The following RPH3A variants were observed in gnomAD, a reference collection of about 807,000 sequenced individuals.
RPH3A encodes rabphilin 3A.
RPH3A carries 48 observed loss-of-function variants against 102.2 expected under a neutral mutation model. That is an observed-to-expected ratio of 0.47 (90% CI 0.37 to 0.60). The LOEUF is 0.60. Ranked by LOEUF, RPH3A falls within the 20% of genes least tolerant of loss-of-function variation. The pLI is 0.00. For missense variants in RPH3A, 781 were observed against 910.1 expected, an observed-to-expected ratio of 0.86 and a Z score of 1.83; for synonymous variants, 310 against 324.3, an observed-to-expected ratio of 0.96 and a Z score of 0.47.
At chr12:112,713,082 CT>C (rs2040490024) in intron 1 of RPH3A, among the ~76,000 whole-genome samples, 1 of 125,522 alleles carries the variant, frequency 8.0e-6, no homozygotes, top group Admixed American at 8.5e-5. Context: ...TCTTCTTCTT[CT>C]TCTTCTTCTT....
At chr12:112,694,595 G>C (rs1443960938) in intron 1 of RPH3A, among the ~76,000 whole-genome samples, 1 of 151,984 alleles carries the variant, frequency 6.6e-6, no homozygotes, top group Non-Finnish European at 1.5e-5. Context: ...GGCAGAGAGA[G>C]AGAGAGAGAC....
intron 1 of RPH3A, among the ~76,000 whole-genome samples, chr12:112,716,282 G>A (rs1047642870): frequency 4.6e-5 from 7 of 152,064 alleles, no homozygotes; most frequent in African/African-American, 1.7e-4. Flanking sequence ...ATGTTACCCA[G>A]CCTCTACACA....
intron 13 of RPH3A, 66 bp from the exon 14 acceptor site, chr12:112,879,053 G>A (rs769560657): frequency 9.8e-5 from 135 of 1,375,278 alleles, no homozygotes; most frequent in Admixed American, 1.7e-4. Context: ...TATAGTAAGT[G>A]TTCAGGAAAT....
intron 1 of RPH3A, among the ~76,000 whole-genome samples, chr12:112,766,318 A>G (rs1236661148): frequency 6.6e-6 from 1 of 152,240 alleles, no homozygotes; most frequent in East Asian, 1.9e-4. Flanking sequence ...GAGATAAATG[A>G]GTAAATATGT....
chr12:112,594,924 G>A (rs2039506153), intron 1 of RPH3A, among the ~76,000 whole-genome samples: 1 of 152,178 alleles, frequency 6.6e-6, no homozygotes, highest in African/African-American at 2.4e-5. Flanking sequence ...CAACTCTAGA[G>A]AGCATTACTC....
chr12:112,615,105 T>A (rs1312660712), intron 1 of RPH3A, among the ~76,000 whole-genome samples: 1 of 152,230 alleles, frequency 6.6e-6, no homozygotes, highest in East Asian at 1.9e-4. Context: ...ATCTGTGTAT[T>A]CCCTATAATA....
At chr12:112,723,913 G>T (rs974848829) in intron 1 of RPH3A, among the ~76,000 whole-genome samples, 3 of 152,138 alleles carry the variant, frequency 2.0e-5, no homozygotes, top group Admixed American at 1.3e-4. Context: ...GTAAGTATTT[G>T]TGTGCAGAAG....
At chr12:112,702,618 T>C (rs564973104) in intron 1 of RPH3A, among the ~76,000 whole-genome samples, 2 of 152,298 alleles carry the variant, frequency 1.3e-5, no homozygotes, top group African/African-American at 2.4e-5. Flanking sequence ...AGTGAAGGAA[T>C]GGCTGTAACT....
chr12:112,735,234 A>G (rs1166698236), intron 1 of RPH3A, among the ~76,000 whole-genome samples: 1 of 152,244 alleles, frequency 6.6e-6, no homozygotes, highest in Non-Finnish European at 1.5e-5. Flanking sequence ...AAAATGGCCA[A>G]TGGCCGGATT....
chr12:112,650,609 G>T (rs2039966868), intron 1 of RPH3A: 1 of 151,986 alleles, frequency 6.6e-6, no homozygotes, highest in African/African-American at 2.4e-5. Context: ...ACTTATGCCA[G>T]CTCTGTGAAG....
chr12:112,868,017 G>GTTCT (rs2042640791), intron 7 of RPH3A: 1 of 167,472 alleles, frequency 6.0e-6, no homozygotes, highest in African/African-American at 2.4e-5. Context: ...CACAGGGCCA[G>GTTCT]GAGAAAGGCC....
At chr12:112,721,445 CA>C (rs1233640952) in intron 1 of RPH3A, among the ~76,000 whole-genome samples, 6 of 152,134 alleles carry the variant, frequency 3.9e-5, no homozygotes, top group Admixed American at 1.3e-4. Flanking sequence ...AGCAATATTT[CA>C]GGGAAGCAAA....
chr12:112,759,288 A>C (rs2040839599), intron 1 of RPH3A, among the ~76,000 whole-genome samples: 1 of 152,180 alleles, frequency 6.6e-6, no homozygotes, highest in African/African-American at 2.4e-5. Context: ...TATATGTTAA[A>C]TAGGACACCA....
chr12:112,587,315 C>T (rs79422064), intron 1 of RPH3A, among the ~76,000 whole-genome samples: 5,110 of 152,230 alleles, frequency 0.034, 103 homozygotes, highest in Non-Finnish European at 0.037. Context: ...GTGCAGTGTG[C>T]AAAGGCAAGT....
chr12:112,712,904 C>CTCTTTTTCTTCTTCTTCTTCTTCT (rs2040475269), intron 1 of RPH3A, among the ~76,000 whole-genome samples: 6 of 92,540 alleles, frequency 6.5e-5, no homozygotes, highest in African/African-American at 3.3e-4. Flanking sequence ...CTTCTTCTTC[C>CTCTTTTTCTTCTTCTTCTTCTTCT]TCTTCTTCTT....
At chr12:112,804,373 G>C (rs1012515130) in intron 2 of RPH3A, among the ~76,000 whole-genome samples, 37 of 152,222 alleles carry the variant, frequency 2.4e-4, no homozygotes, top group African/African-American at 8.2e-4. Flanking sequence ...GTGGATGCAA[G>C]TGGTCACTGC....
intron 1 of RPH3A, among the ~76,000 whole-genome samples, chr12:112,688,813 C>G (rs1222282957): frequency 6.6e-6 from 1 of 152,200 alleles, no homozygotes; most frequent in Admixed American, 6.5e-5. Flanking sequence ...CAACTCTTAT[C>G]TCTCCATCTT....
intron 3 of RPH3A, among the ~76,000 whole-genome samples, chr12:112,832,133 G>A (rs1355293862): frequency 2.0e-5 from 3 of 151,810 alleles, no homozygotes; most frequent in Non-Finnish European, 2.9e-5. Flanking sequence ...TCTTTGAGTT[G>A]GGGTCTTGCT....
chr12:112,818,412 C>T (rs1226814732), intron 2 of RPH3A, among the ~76,000 whole-genome samples: 3 of 151,758 alleles, frequency 2.0e-5, no homozygotes, highest in East Asian at 3.9e-4. Flanking sequence ...TGGCTGGATC[C>T]AGCATTCCAA....
Sources: gnomAD v4.1 joint callset for allele counts (sites outside exome capture counted in the v4.1 genomes callset) on GRCh38, gnomAD v4.1.1 for gene constraint, MANE v1.5 for transcripts, NCBI Gene and HGNC (gene_info 2026-07-23, HGNC 2026-07-21) for gene names.